The following RAPGEF1 variants were observed in gnomAD, a reference collection of about 807,000 sequenced individuals.
The protein encoded by RAPGEF1 is Rap guanine nucleotide exchange factor 1.
In RAPGEF1, 33 loss-of-function variants were observed where a neutral mutation model predicts 143.3. The observed-to-expected ratio is 0.23, with a 90% CI of 0.17 to 0.31. RAPGEF1 has a LOEUF of 0.31. Ranked by LOEUF, RAPGEF1 falls within the 10% of genes least tolerant of loss-of-function variation. The pLI, the probability that RAPGEF1 is intolerant of heterozygous loss-of-function variation, is 1.00. For synonymous variants in RAPGEF1, 629 were observed against 676.5 expected, an observed-to-expected ratio of 0.93 and a Z score of 1.09; for missense variants, 1,199 against 1,645.4, an observed-to-expected ratio of 0.73 and a Z score of 4.69.
At chr9:131,673,901 C>T (rs1247232346) in intron 1 of RAPGEF1, among the ~76,000 whole-genome samples, 2 of 152,186 alleles carry the variant, frequency 1.3e-5, no homozygotes, top group Non-Finnish European at 2.9e-5. Flanking sequence ...CTGCCAGTCC[C>T]CATGTCCTCA....
At chr9:131,596,983 C>A (rs2132374677) in intron 16 of RAPGEF1, among the ~76,000 whole-genome samples, 1 of 152,342 alleles carries the variant, frequency 6.6e-6, no homozygotes, top group East Asian at 1.9e-4. Flanking sequence ...ACACCTGCCA[C>A]CAACCCACCT....
intron 1 of RAPGEF1, among the ~76,000 whole-genome samples, chr9:131,682,483 C>A (rs187316598): frequency 6.6e-6 from 1 of 152,244 alleles, no homozygotes; most frequent in East Asian, 1.9e-4. Flanking sequence ...GTCTGTGGAC[C>A]CTTGCCAGTG....
At chr9:131,612,178 CAAG>C (rs757044988) in intron 12 of RAPGEF1, among the ~76,000 whole-genome samples, 15 of 152,210 alleles carry the variant, frequency 9.9e-5, no homozygotes, top group African/African-American at 2.4e-5. Flanking sequence ...ACCAGCCTTC[CAAG>C]AAGGTTTGTG....
intron 1 of RAPGEF1, among the ~76,000 whole-genome samples, chr9:131,692,116 C>T (rs889245137): frequency 6.6e-6 from 1 of 152,170 alleles, no homozygotes; most frequent in Non-Finnish European, 1.5e-5. Flanking sequence ...CTTTAAAAGT[C>T]CAATCTGAGA....
intron 25 of RAPGEF1, among the ~76,000 whole-genome samples, chr9:131,580,704 TAA>T (rs1176180627): frequency 7.0e-6 from 1 of 143,470 alleles, no homozygotes; most frequent in Admixed American, 7.0e-5. Context: ...AAATGAGCAG[TAA>T]AAAAAAAAAA....
intron 1 of RAPGEF1, among the ~76,000 whole-genome samples, chr9:131,696,080 C>A (rs1383942696): frequency 6.6e-6 from 1 of 152,180 alleles, no homozygotes; most frequent in East Asian, 1.9e-4. Flanking sequence ...AGCCACAGAC[C>A]CTCACCTGTG....
Position 131,588,934 on chromosome 9 carries a change from G to C in RAPGEF1, c.2920C>G (p.Arg974Gly). The change falls in exon 20 of 27, where the codon CGC becomes GGC. Residue 974 changes from arginine (R) to glycine (G), a missense_variant. Transcript: ENST00000683357. The part of the protein sequence containing the change: ...ILKLLMELVF[R>G]LVCNGELSLA... ...CTCAGCTCCCCATTGCACACCAGGC[G>C]GAAGACCAGTTCCATCAGCAGCTTC... 1 of 1,613,928 alleles carries C rather than the reference G, an allele frequency of 6.2e-7. No homozygotes were observed.
chr9:131,622,755 G>C (rs1402537009), intron 10 of RAPGEF1, among the ~76,000 whole-genome samples: 1 of 149,836 alleles, frequency 6.7e-6, no homozygotes, highest in East Asian at 2.0e-4. Flanking sequence ...AGCCCCTTGA[G>C]CTTGTCTCAC....
intron 10 of RAPGEF1, 98 bp from the exon 11 acceptor site, chr9:131,622,096 T>C: frequency 1.7e-6 from 2 of 1,170,620 alleles, no homozygotes; most frequent in Non-Finnish European, 2.5e-6. Context: ...GGCTTTCCAC[T>C]GAAAGCACCT....
intron 1 of RAPGEF1, among the ~76,000 whole-genome samples, chr9:131,674,546 A>G (rs1284645783): frequency 4.6e-5 from 7 of 152,100 alleles, no homozygotes; most frequent in Admixed American, 4.6e-4. Flanking sequence ...AGGTCTCCAC[A>G]CTTGGCTCAG....
At chr9:131,610,889 C>T (rs576527129) in intron 12 of RAPGEF1, among the ~76,000 whole-genome samples, 1 of 152,334 alleles carries the variant, frequency 6.6e-6, no homozygotes, top group East Asian at 1.9e-4. Context: ...ACTCCCAGGA[C>T]ACCCTCCTGC....
At chr9:131,594,137 C>T (rs559822767) in intron 17 of RAPGEF1, among the ~76,000 whole-genome samples, 1 of 152,318 alleles carries the variant, frequency 6.6e-6, no homozygotes, top group African/African-American at 2.4e-5. Context: ...CCCCCATCTG[C>T]TGTGCCCTGG....
In RAPGEF1 at chr9:131,628,300, C is replaced by T. The variant is rs1233213792; in HGVS notation, c.1018-204G>A. On this transcript the variant is annotated intron_variant, in intron 8 of 26. Transcript: ENST00000683357. The surrounding 1 kb of genome is among the most constrained non-coding windows in gnomAD (Gnocchi z 5.7). Reference sequence around the variant, plus strand: ...TGTGGGGGGTGTGGCCAGGGAGGGCCCTGGGGCTGGACTCACCTATCCCCA... The same window carrying T: ...TGTGGGGGGTGTGGCCAGGGAGGGCTCTGGGGCTGGACTCACCTATCCCCA... Among the ~76,000 whole-genome samples the T allele has an allele frequency of 6.6e-6, 1 of 152,170 alleles. No individual in the cohort carries two copies. The highest frequency in any genetic ancestry group is 1.5e-5 in the Non-Finnish European group (1 of 68,024).
chr9:131,735,450 C>T (rs1001155435), intron 1 of RAPGEF1, among the ~76,000 whole-genome samples: 1 of 152,206 alleles, frequency 6.6e-6, no homozygotes, highest in Non-Finnish European at 1.5e-5. Flanking sequence ...CCTTCCTGCT[C>T]ACCCTGTGAC....
chr9:131,660,966 A>G (rs1194839097), intron 1 of RAPGEF1, among the ~76,000 whole-genome samples: 2 of 152,266 alleles, frequency 1.3e-5, no homozygotes, highest in African/African-American at 4.8e-5. Context: ...TCAATTTGTC[A>G]TCAGGAAGCA....
chr9:131,695,141 C>T (rs1018648740), intron 1 of RAPGEF1, among the ~76,000 whole-genome samples: 1 of 152,148 alleles, frequency 6.6e-6, no homozygotes, highest in African/African-American at 2.4e-5. Flanking sequence ...CAATGCCTGG[C>T]ATGCAGCACA....
intron 1 of RAPGEF1, among the ~76,000 whole-genome samples, chr9:131,735,800 G>A (rs966297965): frequency 3.3e-5 from 5 of 152,302 alleles, no homozygotes; most frequent in Admixed American, 6.5e-5. Context: ...AGGAACAAGC[G>A]CTCAGAGTTA....
chr9:131,731,196 T>C (rs112186716), intron 1 of RAPGEF1, among the ~76,000 whole-genome samples: 4 of 152,304 alleles, frequency 2.6e-5, no homozygotes, highest in East Asian at 1.9e-4. Context: ...CTTTCTCCTA[T>C]TGTAAGGATT....
chr9:131,580,974 G>C (rs948170176), intron 25 of RAPGEF1, among the ~76,000 whole-genome samples: 1 of 151,936 alleles, frequency 6.6e-6, no homozygotes, highest in African/African-American at 2.4e-5. Flanking sequence ...GTGAAACCCT[G>C]TCTCTACTAA....
Sources: gnomAD v4.1 joint callset for allele counts (sites outside exome capture counted in the v4.1 genomes callset) on GRCh38, gnomAD v4.1.1 for gene constraint, Gnocchi (gnomAD v3.1) non-coding constraint, MANE v1.5 for transcripts, NCBI Gene and HGNC (gene_info 2026-07-23, HGNC 2026-07-21) for gene names.